MTX3: variants seen among roughly 807,000 people sequenced by gnomAD.
The protein encoded by MTX3 is metaxin 3, also known as metaxin-3.
In MTX3, 27 loss-of-function variants were observed where a neutral mutation model predicts 42.5. The observed-to-expected ratio is 0.64, with a 90% CI of 0.47 to 0.88. MTX3 has a LOEUF of 0.88. Ranked by LOEUF, MTX3 falls within the 40% of genes least tolerant of loss-of-function variation. The pLI, the probability that MTX3 is intolerant of heterozygous loss-of-function variation, is 0.00. For missense variants in MTX3, 378 were observed against 367.0 expected, an observed-to-expected ratio of 1.03 and a Z score of -0.25; for synonymous variants, 144 against 132.9, an observed-to-expected ratio of 1.08 and a Z score of -0.57.
In MTX3 at chr5:79,987,086, A is replaced by G; in HGVS notation, c.603T>C (p.Tyr201=). ...FGDTPSTLDA[Y]VFGFLAPLYK... Reference sequence around the variant, plus strand: ...AAAGAGGTGCAAGAAAACCAAAAACATAGGCATCCAAGGTAGAAGGCCTAG... The same window carrying G: ...AAAGAGGTGCAAGAAAACCAAAAACGTAGGCATCCAAGGTAGAAGGCCTAG... Residue 201 remains tyrosine (Y), a synonymous_variant, in exon 7 of 9, where the codon TAT becomes TAC. Coordinates refer to ENST00000512528, the MANE Select transcript of MTX3 (RefSeq NM_001363818.2). The G allele has an allele frequency of 1.2e-6, 2 of 1,613,966 alleles. No homozygotes were observed. Among genetic ancestry groups the G allele is most frequent in the South Asian group, 2.2e-5 (2 of 91,088 alleles).
intron 6 of MTX3, among the ~76,000 whole-genome samples, chr5:79,987,440 C>CA (rs397884673): frequency 0.035 from 3,009 of 84,802 alleles, 163 homozygotes; most frequent in African/African-American, 0.12. Context: ...GACTCCATCT[C>CA]AAAAAAAAAA....
chr5:79,983,466 C>T lies in MTX3; in HGVS notation c.*218G>A. On this transcript the variant is annotated 3_prime_UTR_variant, in exon 9 of 9. Coordinates refer to ENST00000512528, the MANE Select transcript of MTX3 (RefSeq NM_001363818.2). ...TGTTTTTCTTCCCCGCCCCCCCAAC[C>T]AAGTTCATTTAGCATTCTCTTTGTT... 1.9e-6 allele frequency: 1 copy of T among 521,706 alleles called. No individual in the cohort carries two copies. The highest frequency in any genetic ancestry group is 3.4e-6 in the Non-Finnish European group (1 of 295,728). The allele number at this position is 521,706 out of a possible 1,614,324, so 32.3% of individuals were successfully genotyped here. A position where few individuals can be genotyped will look rare whatever the true frequency, so the allele number is the denominator to read the frequency against.
rs1260287407 is a variant in MTX3 at position 79,981,681 on chromosome 5, A to G, written c.*2003T>C. Reference sequence around the variant, plus strand: ...TTATCTTTTGACTTTGCCCATGGAGAAACTTGGAGTTAAATTTACTACTTA... The same window carrying G: ...TTATCTTTTGACTTTGCCCATGGAGGAACTTGGAGTTAAATTTACTACTTA... On this transcript the variant is annotated 3_prime_UTR_variant, in exon 9 of 9. Transcript: ENST00000512528. 6.6e-6 allele frequency: 1 copy of G among 152,142 alleles called. No homozygotes were observed. Among genetic ancestry groups the G allele is most frequent in the Non-Finnish European group, 1.5e-5 (1 of 68,012 alleles). The allele number at this position is 152,142 out of a possible 1,614,324, so 9.4% of individuals were successfully genotyped here.
At chr5:79,984,514 C>T (rs1214410163) in intron 8 of MTX3, among the ~76,000 whole-genome samples, 1 of 152,052 alleles carries the variant, frequency 6.6e-6, no homozygotes, top group Non-Finnish European at 1.5e-5. Flanking sequence ...AGGTAACCCA[C>T]ATCAAGCTCA....
chr5:79,988,521 T>C lies in MTX3; in HGVS notation c.445A>G (p.Arg149Gly), dbSNP rs760202662. Residue 149 changes from arginine to glycine, a missense_variant, in exon 5 of 9, where the codon AGG becomes GGG. Transcript: ENST00000512528. The stretch of plus-strand genomic sequence containing the variant: ...GGCTGTCCTCTGGTCAGGAGAATCC[T>C]ATTCAGTGCTCCCTTAGACATTCTT... ...PGRMSKGALN[R>G]ILLTRGQPPL... 2 of 1,613,140 alleles carry C rather than the reference T, an allele frequency of 1.2e-6. No homozygotes were observed. The highest frequency in any genetic ancestry group is 2.2e-5 in the East Asian group (1 of 44,858).
intron 8 of MTX3, among the ~76,000 whole-genome samples, chr5:79,984,935 T>G (rs1337477454): frequency 6.6e-6 from 1 of 152,050 alleles, no homozygotes; most frequent in East Asian, 1.9e-4. Context: ...TAAGAAACAT[T>G]AAGAGACAGA....
Position 79,986,777 on chromosome 5 carries a change from GAACT to G in MTX3, c.739+169_739+172del, listed in dbSNP as rs754585771. 3.3e-4 allele frequency: 198 copies of G among 608,952 alleles called. 1 individual carries two copies. Among genetic ancestry groups the G allele is most frequent in the Admixed American group, 1.1e-3 (37 of 33,720 alleles). 37.7% of individuals were successfully genotyped at this position (608,952 alleles called of 1,614,324 possible). On this transcript the variant is annotated intron_variant, in intron 7 of 8. Coordinates refer to ENST00000512528, the MANE Select transcript of MTX3 (RefSeq NM_001363818.2). ...AATATCTATTTATCTATTTAAATAA[GAACT>G]AACATGAGAATAAAAATGAAGTCGG...
Position 79,982,961 on chromosome 5 carries a change from T to C in MTX3, c.*723A>G, listed in dbSNP as rs1248876108. 1 of 154,128 alleles carries C rather than the reference T, an allele frequency of 6.5e-6. No individual in the cohort carries two copies. The highest frequency in any genetic ancestry group is 1.4e-5 in the Non-Finnish European group (1 of 69,364). 9.5% of individuals were successfully genotyped at this position (154,128 alleles called of 1,614,324 possible). ...TACTACAAAGACATAGGTCTAAAAC[T>C]GCCACATTTGCCCAAGTAAACTAAA... On this transcript the variant is annotated 3_prime_UTR_variant, in exon 9 of 9. Coordinates refer to ENST00000512528, the MANE Select transcript of MTX3 (RefSeq NM_001363818.2).
chr5:79,990,497 A>G, intron 2 of MTX3, 97 bp downstream of exon 2: 1 of 844,630 alleles, frequency 1.2e-6, no homozygotes, highest in South Asian at 1.9e-5. Flanking sequence ...ACGGTAAGAA[A>G]CTAAATCCTC....
rs776568428 is a variant in MTX3, at chr5:79,988,136, T to TA, written c.581+102dup. The TA allele has an allele frequency of 2.3e-5, 17 of 725,814 alleles. No homozygotes were observed. The East Asian group carries it at 3.2e-4, about 14-fold the overall frequency. 45.0% of individuals were successfully genotyped at this position (725,814 alleles called of 1,614,324 possible). Reference sequence around the variant, plus strand: ...CGGCCTAAATCTTGTTTTTTTTAAGTAAAAAACTCATCTTTTGGGGAGATA... The same window carrying TA: ...CGGCCTAAATCTTGTTTTTTTTAAGTAAAAAAACTCATCTTTTGGGGAGATA... On this transcript the variant is annotated intron_variant, in intron 6 of 8. Coordinates refer to ENST00000512528, the MANE Select transcript of MTX3 (RefSeq NM_001363818.2).
At chr5:79,988,387 A>T (rs1429055289) in intron 5 of MTX3, 72 bp from the exon 6 acceptor site, 7 of 1,528,210 alleles carry the variant, frequency 4.6e-6, no homozygotes, top group Middle Eastern at 1.7e-4. Flanking sequence ...AGGCATCTCT[A>T]GGTAAACTCA....
At position 79,991,235 on chromosome 5, in the gene MTX3, C is replaced by T; in HGVS notation, c.4G>A (p.Ala2Thr). 1.4e-6 allele frequency: 2 copies of T among 1,452,456 alleles called. No individual in the cohort carries two copies. Among genetic ancestry groups the T allele is most frequent in the South Asian group, 1.5e-5 (1 of 67,910 alleles). The allele number at this position is 1,452,456 out of a possible 1,614,324, so 90.0% of individuals were successfully genotyped here. ...CAGCAACTGAGTTCCAAGGGGGCCG[C>T]CATCTTGCGCGGGCCGACCTTTACT... M[A>T]APLELSCWGG... Residue 2 changes from alanine to threonine, a missense_variant, in exon 1 of 9, where the codon GCG becomes ACG. Ala to Thr is a moderately conservative substitution (Grantham distance 58). Coordinates refer to ENST00000512528, the MANE Select transcript of MTX3 (RefSeq NM_001363818.2).
At chr5:79,989,512 G>A (rs1302613683) in intron 3 of MTX3, among the ~76,000 whole-genome samples, 5 of 152,118 alleles carry the variant, frequency 3.3e-5, no homozygotes, top group Admixed American at 1.3e-4. Flanking sequence ...TTCAGTGCAT[G>A]GCATGTAGTA....
rs1831398414 is a variant in MTX3, at chr5:79,982,631, TTC to T, written c.*1051_*1052del. Reference sequence around the variant, plus strand: ...GAAAATATTCATTAAAAGCTGCTATTTCTGATTGTTCCTTTGTATTCTTCGAC... The same window carrying T: ...GAAAATATTCATTAAAAGCTGCTATTTGATTGTTCCTTTGTATTCTTCGAC... On this transcript the variant is annotated 3_prime_UTR_variant, in exon 9 of 9. Coordinates refer to ENST00000512528, the MANE Select transcript of MTX3 (RefSeq NM_001363818.2). The T allele has an allele frequency of 2.5e-5, 6 of 239,580 alleles. No homozygotes were observed. In the South Asian group the frequency reaches 3.0e-4, roughly 12 times the overall value. 14.8% of individuals were successfully genotyped at this position (239,580 alleles called of 1,614,324 possible).
Position 79,982,006 on chromosome 5 carries a change from G to A in MTX3, c.*1678C>T, listed in dbSNP as rs558368642. On this transcript the variant is annotated 3_prime_UTR_variant, in exon 9 of 9. Transcript: ENST00000512528. The stretch of plus-strand genomic sequence containing the variant: ...TTCTCCAATATACATCCATCCTAGA[G>A]GACAATAAAGTCTCACAGTCATGAT... The A allele has an allele frequency of 1.2e-5, 2 of 160,912 alleles. No homozygotes were observed. The highest frequency in any genetic ancestry group is 2.4e-5 in the African/African-American group (1 of 41,508). The allele number at this position is 160,912 out of a possible 1,614,324, so 10.0% of individuals were successfully genotyped here. A position where few individuals can be genotyped will look rare whatever the true frequency, so the allele number is the denominator to read the frequency against.
intron 5 of MTX3, 48 bp from the exon 6 acceptor site, chr5:79,988,363 A>C: frequency 6.7e-7 from 1 of 1,499,712 alleles, no homozygotes; most frequent in Non-Finnish European, 9.1e-7. Context: ...ATACTCTAAA[A>C]CTACTTTTGA....
At position 79,982,133 on chromosome 5, in the gene MTX3, C is replaced by A; in HGVS notation, c.*1551G>T. ...TGAAGATGACTGACACACACAAACA[C>A]ACACACACACACCCTGTTGTAGAAG... On this transcript the variant is annotated 3_prime_UTR_variant, in exon 9 of 9. Transcript: ENST00000512528. The A allele has an allele frequency of 4.8e-6, 1 of 206,898 alleles. No homozygotes were observed. Among genetic ancestry groups the A allele is most frequent in the Non-Finnish European group, 1.0e-5 (1 of 100,442 alleles). 12.8% of individuals were successfully genotyped at this position (206,898 alleles called of 1,614,324 possible).
intron 1 of MTX3, 174 bp from the exon 2 acceptor site, chr5:79,990,837 A>C (rs1312138398): frequency 9.7e-6 from 7 of 722,316 alleles, no homozygotes; most frequent in Non-Finnish European, 1.5e-5. Context: ...GCTTTCGAGG[A>C]CTTTGCTCCC....
intron 7 of MTX3, 62 bp from the exon 8 acceptor site, chr5:79,985,721 T>C: frequency 2.4e-6 from 3 of 1,237,324 alleles, no homozygotes; most frequent in East Asian, 2.4e-5. Flanking sequence ...TAAAGCTATT[T>C]AGATTGAAAG....
Sources: gnomAD v4.1 joint callset for allele counts (sites outside exome capture counted in the v4.1 genomes callset) on GRCh38, gnomAD v4.1.1 for gene constraint, MANE v1.5 for transcripts, NCBI Gene and HGNC (gene_info 2026-07-23, HGNC 2026-07-21) for gene names.